The following ICAM2 variants were observed in gnomAD, a reference collection of about 807,000 sequenced individuals.
ICAM2 encodes ICAM-2.
ICAM2 carries 14 observed loss-of-function variants against 19.1 expected under a neutral mutation model. The observed-to-expected ratio is 0.73, with a 90% CI of 0.48 to 1.15. The LOEUF is 1.15. ICAM2 is among the 50% of genes most tolerant of loss of function. ICAM2 has a pLI of 0.00. For missense variants in ICAM2, 311 were observed against 355.4 expected (o/e 0.88, Z 1.00); for synonymous variants, 153 against 152.7 (o/e 1.00, Z -0.01).
intron 3 of ICAM2, 74 bp downstream of exon 3, chr17:64,005,033 G>GGGGCT (rs747911551): frequency 1.3e-6 from 2 of 1,547,538 alleles, no homozygotes; most frequent in South Asian, 2.3e-5. Flanking sequence ...CAGGCACAGA[G>GGGGCT]GGGCTCTGTG....
At chr17:64,004,948 G>T in intron 3 of ICAM2, 159 bp downstream of exon 3, 1 of 794,260 alleles carries the variant, frequency 1.3e-6, no homozygotes, top group Non-Finnish European at 2.1e-6. Context: ...ATCCAACCAA[G>T]GGCTGGCCTG....
rs746476138 is a variant in ICAM2 at position 64,005,244 on chromosome 17, A to G, written c.191T>C (p.Leu64Pro). 5.8e-5 allele frequency: 94 copies of G among 1,613,998 alleles called. No individual in the cohort carries two copies. The highest frequency in any genetic ancestry group is 7.8e-5 in the Non-Finnish European group (92 of 1,179,996). ...QPEVGGLETS[L>P]DKILLDEQAQ... is the part of the protein sequence containing the mutation. ...CTGTTCGTCCAGCAGAATCTTATCT[A>G]GAGAGGTCTCCAGACCACCCACTTC... The change falls in exon 3 of 5, where the codon CTA (leucine) becomes CCA (proline). Residue 64 changes from leucine to proline, a missense_variant. Physicochemically the swap from Leu to Pro is moderately conservative, Grantham distance 98 (BLOSUM62 -3). Coordinates refer to ENST00000579788, the MANE Select transcript of ICAM2 (RefSeq NM_001099789.2).
At chr17:64,014,125 G>A (rs971924808) in intron 1 of ICAM2, among the ~76,000 whole-genome samples, 7 of 151,860 alleles carry the variant, frequency 4.6e-5, no homozygotes, top group South Asian at 2.1e-4. Flanking sequence ...AAATTTCTGC[G>A]AGGCGCAAAA....
intron 2 of ICAM2, among the ~76,000 whole-genome samples, 195 bp from the exon 3 acceptor site, chr17:64,005,568 C>T (rs138275404): frequency 6.6e-6 from 1 of 152,126 alleles, no homozygotes; most frequent in African/African-American, 2.4e-5. Context: ...AGCTGGCTCC[C>T]TGCCTCTGGC....
Position 64,007,964 on chromosome 17 carries a change from G to A in ICAM2, c.-44-1229C>T, listed in dbSNP as rs370753216. On this transcript the variant is annotated intron_variant, in intron 1 of 4. Transcript: ENST00000579788. ...TTGCAACCAGGCAGGGAAAGAGCAGGACTTCTTGCTTTCTCAGGGGAACCC... is the reference window on the plus strand; with the variant it reads ...TTGCAACCAGGCAGGGAAAGAGCAGAACTTCTTGCTTTCTCAGGGGAACCC... The A allele has an allele frequency of 4.6e-5, 7 of 152,384 alleles. No individual in the cohort carries two copies. The East Asian group carries it at 9.7e-4, about 21-fold the overall frequency. 9.4% of individuals were successfully genotyped at this position (152,384 alleles called of 1,614,324 possible).
intron 1 of ICAM2, among the ~76,000 whole-genome samples, chr17:64,009,906 C>T (rs1009671203): frequency 1.3e-5 from 2 of 152,142 alleles, no homozygotes; most frequent in African/African-American, 4.8e-5. Flanking sequence ...CCCACTGATG[C>T]CAGCCAGTCT....
At chr17:64,009,484 G>T (rs1883235969) in intron 1 of ICAM2, among the ~76,000 whole-genome samples, 1 of 152,124 alleles carries the variant, frequency 6.6e-6, no homozygotes, top group African/African-American at 2.4e-5. Flanking sequence ...GTCTCGCTCT[G>T]TCACCCAGGC....
chr17:64,007,008 A>T (rs1178043557), intron 1 of ICAM2: 5 of 343,534 alleles, frequency 1.5e-5, no homozygotes, highest in Non-Finnish European at 2.7e-5. Flanking sequence ...ACGTGTGCAC[A>T]GGGGAGAGTC....
At chr17:64,015,676 G>A (rs1911692879) in intron 1 of ICAM2, among the ~76,000 whole-genome samples, 2 of 152,052 alleles carry the variant, frequency 1.3e-5, no homozygotes, top group African/African-American at 2.4e-5. Context: ...GGAGGTTGAG[G>A]CTGCAGTAAA....
chr17:64,003,038 A>G (rs1344055021), intron 4 of ICAM2, 113 bp from the exon 5 acceptor site: 1 of 831,100 alleles, frequency 1.2e-6, no homozygotes. Context: ...CCGCCCGCTC[A>G]TGCATCCAGC....
intron 1 of ICAM2, among the ~76,000 whole-genome samples, chr17:64,015,826 T>A (rs1911700087): frequency 6.6e-6 from 1 of 152,044 alleles, no homozygotes; most frequent in African/African-American, 2.4e-5. Flanking sequence ...TAGATGGTTT[T>A]GCAGAAGTTC....
At chr17:64,005,395 G>T in intron 2 of ICAM2, 22 bp from the exon 3 acceptor site, 1 of 1,606,464 alleles carries the variant, frequency 6.2e-7, no homozygotes, top group Non-Finnish European at 8.5e-7. Flanking sequence ...GAAACACTGG[G>T]CAGTCGTGTC....
intron 1 of ICAM2, among the ~76,000 whole-genome samples, chr17:64,019,654 A>T (rs1192455098): frequency 2.6e-5 from 4 of 151,970 alleles, no homozygotes; most frequent in African/African-American, 9.7e-5. Context: ...TCGCTACCAA[A>T]AACACAAAAA....
At chr17:64,018,297 G>C (rs985097636) in intron 1 of ICAM2, among the ~76,000 whole-genome samples, 2 of 117,572 alleles carry the variant, frequency 1.7e-5, no homozygotes, top group Non-Finnish European at 3.2e-5. Flanking sequence ...TCGCGACACT[G>C]CATTCCAGCC....
chr17:64,005,458 C>A, intron 2 of ICAM2, 85 bp from the exon 3 acceptor site: 1 of 1,479,492 alleles, frequency 6.8e-7, no homozygotes, highest in Non-Finnish European at 9.2e-7. Flanking sequence ...CAGTCTGGCT[C>A]CTGGGTCAGG....
intron 1 of ICAM2, among the ~76,000 whole-genome samples, chr17:64,015,272 T>C (rs1237960951): frequency 6.6e-6 from 1 of 152,200 alleles, no homozygotes; most frequent in Non-Finnish European, 1.5e-5. Context: ...TTTTATGTTA[T>C]GTGTATTTTA....
intron 2 of ICAM2, 64 bp from the exon 3 acceptor site, chr17:64,005,437 G>C: frequency 6.5e-7 from 1 of 1,549,178 alleles, no homozygotes; most frequent in Non-Finnish European, 8.8e-7. Context: ...CAGTGGAGCT[G>C]TCCATTGAGG....
At chr17:64,015,216 G>T (rs1460383028) in intron 1 of ICAM2, among the ~76,000 whole-genome samples, 1 of 152,076 alleles carries the variant, frequency 6.6e-6, no homozygotes, top group Admixed American at 6.5e-5. Context: ...AACATACTTA[G>T]CATTAATTGC....
chr17:64,010,193 C>T (rs1338431265), intron 1 of ICAM2, among the ~76,000 whole-genome samples: 2 of 152,200 alleles, frequency 1.3e-5, no homozygotes, highest in Non-Finnish European at 2.9e-5. Flanking sequence ...GTGTAATTGG[C>T]CTGTTGCTGC....
Sources: gnomAD v4.1 joint callset for allele counts (sites outside exome capture counted in the v4.1 genomes callset) on GRCh38, gnomAD v4.1.1 for gene constraint, MANE v1.5 for transcripts, NCBI Gene and HGNC (gene_info 2026-07-23, HGNC 2026-07-21) for gene names.